Variants in COL24A1 observed in about 807,000 individuals in gnomAD.
COL24A1 encodes the protein collagen type XXIV alpha 1 chain, also known as collagen alpha-1(XXIV) chain.
Under a neutral mutation model 253.9 loss-of-function variants are expected in COL24A1, and 224 were observed. The ratio of observed to expected loss-of-function variants is 0.88; its 90% CI spans 0.79 to 0.99. COL24A1 has a LOEUF of 0.99. Ranked by LOEUF, COL24A1 falls within the 50% of genes least tolerant of loss-of-function variation. COL24A1 has a pLI of 0.00. For missense variants in COL24A1, 2,131 were observed against 2,068.5 expected (o/e 1.03, Z -0.59); for synonymous variants, 685 against 673.7 (o/e 1.02, Z -0.26).
At chr1:85,837,044 A>C (rs1239745002) in intron 43 of COL24A1, among the ~76,000 whole-genome samples, 2 of 152,182 alleles carry the variant, frequency 1.3e-5, no homozygotes, top group African/African-American at 4.8e-5. Context: ...TTTTCCCGAG[A>C]CTGTGTGAAG....
At chr1:85,820,625 C>A (rs189172543) in intron 45 of COL24A1, among the ~76,000 whole-genome samples, 1 of 152,304 alleles carries the variant, frequency 6.6e-6, no homozygotes, top group Non-Finnish European at 1.5e-5. Flanking sequence ...TCCCTACCAT[C>A]TGTAACTCCA....
rs1267232748 is a variant in COL24A1, at chr1:85,925,210, A to G, written c.2563-13777T>C. On this transcript the variant is annotated intron_variant, in intron 24 of 59. Transcript: ENST00000370571. ...ATGGAAGAACATTCCATGCTCATGGACAGGAAGAATCAATATCATGGTAAT... is the reference window on the plus strand; with the variant it reads ...ATGGAAGAACATTCCATGCTCATGGGCAGGAAGAATCAATATCATGGTAAT... Among the ~76,000 whole-genome samples the G allele has an allele frequency of 4.6e-5, 7 of 152,322 alleles. No homozygotes were observed. In the East Asian group the frequency reaches 7.7e-4, roughly 17 times the overall value.
intron 2 of COL24A1, among the ~76,000 whole-genome samples, chr1:86,133,177 C>T (rs967877432): frequency 5.8e-4 from 89 of 152,200 alleles, no homozygotes; most frequent in Middle Eastern, 3.4e-3. Context: ...TATAAGAATG[C>T]TTGTGATTTT....
chr1:85,853,552 T>A (rs1678065732), intron 37 of COL24A1, among the ~76,000 whole-genome samples: 1 of 152,254 alleles, frequency 6.6e-6, no homozygotes, highest in Admixed American at 6.5e-5. Flanking sequence ...TCCAGACTAT[T>A]TTCCACAGTG....
chr1:85,847,723 G>A lies in COL24A1; in HGVS notation c.3404C>T (p.Pro1135Leu). 3 of 1,613,676 alleles carry A rather than the reference G, an allele frequency of 1.9e-6. No homozygotes were observed. The highest frequency in any genetic ancestry group is 1.7e-5 in the Admixed American group (1 of 59,976). ...ACCACTTTTCCCAATTTTTCCAGGA[G>A]GACCTCTGCTTCCAACTTCTCCTGT... ...GPTGEVGSRG[P>L]PGKIGKSGPK... The change falls in exon 39 of 60, where the codon CCT (proline) becomes CTT (leucine). Residue 1135 changes from proline to leucine, a missense_variant. Pro to Leu is a moderately conservative substitution (Grantham distance 98). Coordinates refer to ENST00000370571, the MANE Select transcript of COL24A1 (RefSeq NM_152890.7).
At chr1:85,919,240 CA>C (rs1331557306) in intron 24 of COL24A1, among the ~76,000 whole-genome samples, 4 of 152,188 alleles carry the variant, frequency 2.6e-5, no homozygotes, top group Admixed American at 2.6e-4. Flanking sequence ...TTTCTTTCTG[CA>C]GCATAATTTA....
chr1:85,891,056 CTTT>C (rs1052392254), intron 31 of COL24A1, among the ~76,000 whole-genome samples: 1 of 144,854 alleles, frequency 6.9e-6, no homozygotes. Flanking sequence ...ATCTTTTTTT[CTTT>C]TTTTTTTTTG....
intron 18 of COL24A1, among the ~76,000 whole-genome samples, chr1:86,019,629 G>A (rs530714328): frequency 6.6e-6 from 1 of 151,812 alleles, no homozygotes; most frequent in East Asian, 1.9e-4. Context: ...CAAAATACAA[G>A]GCTATCTCAC....
chr1:85,792,332 C>T (rs1295662844), intron 47 of COL24A1, among the ~76,000 whole-genome samples: 1 of 151,102 alleles, frequency 6.6e-6, no homozygotes, highest in Non-Finnish European at 1.5e-5. Flanking sequence ...CATGGGAATC[C>T]CTTTAAAAAT....
chr1:86,035,797 G>A (rs188055320), intron 12 of COL24A1, among the ~76,000 whole-genome samples: 4 of 152,160 alleles, frequency 2.6e-5, no homozygotes, highest in African/African-American at 7.2e-5. Context: ...AAACCTTTGG[G>A]AATTCACTCA....
Position 86,126,116 on chromosome 1 carries a change from C to T in COL24A1, c.220G>A (p.Gly74Arg). ...ACTCCTGATTCTGTTAAATGGACCC[C>T]CTGAGGTAACGGTGTAGATGCTGAT... ...VPSASTPLPQGVHLTESGVIF... is the reference protein window; with the variant it reads ...VPSASTPLPQRVHLTESGVIF... The change falls in exon 3 of 60, where the codon GGG (glycine) becomes AGG (arginine). Residue 74 changes from glycine (G) to arginine (R), a missense_variant. By Grantham distance (125) the Gly-to-Arg change is moderately radical (BLOSUM62 -2). Coordinates refer to ENST00000370571, the MANE Select transcript of COL24A1 (RefSeq NM_152890.7). 1 of 1,612,550 alleles carries T rather than the reference C, an allele frequency of 6.2e-7. No homozygotes were observed.
intron 3 of COL24A1, among the ~76,000 whole-genome samples, chr1:86,123,548 T>A (rs550097199): frequency 7.2e-5 from 11 of 152,106 alleles, no homozygotes; most frequent in African/African-American, 2.4e-4. Flanking sequence ...TAAGTAAATA[T>A]CTGCTGAATA....
Position 85,896,398 on chromosome 1 carries a change from T to A in COL24A1, c.2790A>T (p.Gly930=). Residue 930 remains glycine (G), a synonymous_variant, in exon 29 of 60, where the codon GGA becomes GGT. Coordinates refer to ENST00000370571, the MANE Select transcript of COL24A1 (RefSeq NM_152890.7). ...QGPKGQRGSR[G]PDGLLGEQGI... is the part of the protein sequence containing the mutation. ...CTTGTTCCCCTAAGAGACCATCTGG[T>A]CCTCTTGATCCCTAGAGGTGAAAAA... 6.2e-7 allele frequency: 1 copy of A among 1,613,116 alleles called. No homozygotes were observed. The highest frequency in any genetic ancestry group is 1.7e-4 in the Middle Eastern group (1 of 6,060).
chr1:85,772,125 G>T (rs1407994217), intron 53 of COL24A1, among the ~76,000 whole-genome samples: 1 of 150,292 alleles, frequency 6.7e-6, no homozygotes, highest in African/African-American at 2.4e-5. Context: ...CAAAGGACAT[G>T]AACTCATCAT....
intron 35 of COL24A1, among the ~76,000 whole-genome samples, chr1:85,870,743 C>G (rs1680369870): frequency 6.6e-6 from 1 of 152,072 alleles, no homozygotes; most frequent in South Asian, 2.1e-4. Flanking sequence ...CAAGAGAAAG[C>G]AGGAAAGATC....
chr1:85,984,670 T>G (rs1467821784), intron 20 of COL24A1, among the ~76,000 whole-genome samples: 1 of 151,906 alleles, frequency 6.6e-6, no homozygotes, highest in Admixed American at 6.6e-5. Flanking sequence ...TTTGTCTCTC[T>G]CAACTTCCTT....
chr1:85,921,331 G>T (rs959563567), intron 24 of COL24A1, among the ~76,000 whole-genome samples: 24 of 152,360 alleles, frequency 1.6e-4, no homozygotes, highest in Non-Finnish European at 1.6e-4. Context: ...CTTGCTCACT[G>T]CTAGAGCAGC....
chr1:86,063,598 A>G, intron 8 of COL24A1, 117 bp downstream of exon 8: 1 of 572,324 alleles, frequency 1.7e-6, no homozygotes, highest in Non-Finnish European at 2.9e-6. Flanking sequence ...CACTAAACAG[A>G]GTAAAAAATC....
intron 32 of COL24A1, among the ~76,000 whole-genome samples, chr1:85,877,543 A>G (rs933551409): frequency 6.6e-6 from 1 of 152,176 alleles, no homozygotes; most frequent in African/African-American, 2.4e-5. Flanking sequence ...TCATATTTGT[A>G]GTAGAGATGG....
Sources: gnomAD v4.1 joint callset for allele counts (sites outside exome capture counted in the v4.1 genomes callset) on GRCh38, gnomAD v4.1.1 for gene constraint, MANE v1.5 for transcripts, NCBI Gene and HGNC (gene_info 2026-07-23, HGNC 2026-07-21) for gene names.